MYRIP: variants seen among roughly 807,000 people sequenced by gnomAD.
The protein encoded by MYRIP is rab effector MyRIP.
MYRIP carries 49 observed loss-of-function variants against 98.0 expected under a neutral mutation model. That is an observed-to-expected ratio of 0.50 (90% CI 0.40 to 0.63). MYRIP has a LOEUF of 0.63. Ranked by LOEUF, MYRIP falls within the 30% of genes least tolerant of loss-of-function variation. MYRIP has a pLI of 0.00. For synonymous variants in MYRIP, 404 were observed against 409.5 expected (o/e 0.99, Z 0.16); for missense variants, 1,004 against 1,058.2 (o/e 0.95, Z 0.71).
chr3:39,887,680 C>T (rs1258791506), intron 1 of MYRIP, among the ~76,000 whole-genome samples: 1 of 151,994 alleles, frequency 6.6e-6, no homozygotes, highest in Non-Finnish European at 1.5e-5. Context: ...CTGGCCAGGG[C>T]AATCAGGCAG....
chr3:40,252,293 G>A (rs527709265), intron 16 of MYRIP, among the ~76,000 whole-genome samples: 70 of 152,150 alleles, frequency 4.6e-4, no homozygotes, highest in Non-Finnish European at 8.8e-4. Context: ...GAAATAAGTC[G>A]TAACATGGTA....
At chr3:40,085,842 C>A (rs1439089748) in intron 3 of MYRIP, among the ~76,000 whole-genome samples, 1 of 152,028 alleles carries the variant, frequency 6.6e-6, no homozygotes, top group Non-Finnish European at 1.5e-5. Context: ...TATTTGGTAA[C>A]CGAAACAAAA....
intron 2 of MYRIP, among the ~76,000 whole-genome samples, chr3:39,950,289 A>G (rs1242829867): frequency 1.3e-5 from 2 of 152,150 alleles, no homozygotes; most frequent in Non-Finnish European, 2.9e-5. Flanking sequence ...CCATGTAACC[A>G]TATTTGTGGG....
intron 2 of MYRIP, among the ~76,000 whole-genome samples, chr3:40,030,677 A>G (rs1023020400): frequency 6.6e-6 from 1 of 152,220 alleles, no homozygotes; most frequent in Non-Finnish European, 1.5e-5. Context: ...ATGCTACAAC[A>G]TGGATAAACG....
chr3:39,844,572 T>G (rs1020116362), intron 1 of MYRIP, among the ~76,000 whole-genome samples: 2 of 152,194 alleles, frequency 1.3e-5, no homozygotes, highest in Admixed American at 6.5e-5. Context: ...TTGGGCCTGA[T>G]TGCTTATATA....
At chr3:39,928,635 C>A (rs1212233786) in intron 2 of MYRIP, among the ~76,000 whole-genome samples, 1 of 133,402 alleles carries the variant, frequency 7.5e-6, no homozygotes, top group Non-Finnish European at 1.6e-5. Flanking sequence ...AACACACATT[C>A]CTGAAAAAAA....
intron 3 of MYRIP, among the ~76,000 whole-genome samples, chr3:40,130,792 G>A (rs1029983605): frequency 6.6e-6 from 1 of 151,958 alleles, no homozygotes; most frequent in African/African-American, 2.4e-5. Flanking sequence ...GGGATATGAT[G>A]GGTACTCCAA....
At chr3:40,236,255 G>A (rs1357418564) in intron 12 of MYRIP, among the ~76,000 whole-genome samples, 2 of 152,100 alleles carry the variant, frequency 1.3e-5, no homozygotes, top group African/African-American at 2.4e-5. Context: ...TACCATCTAG[G>A]TTTGCATAAG....
chr3:39,858,849 A>G (rs1196205687), intron 1 of MYRIP, among the ~76,000 whole-genome samples: 3 of 152,128 alleles, frequency 2.0e-5, no homozygotes, highest in Non-Finnish European at 4.4e-5. Context: ...ACAAAAATGG[A>G]AACACCATAA....
At chr3:40,173,193 C>G (rs141338459) in intron 8 of MYRIP, 27 of 152,292 alleles carry the variant, frequency 1.8e-4, no homozygotes, top group Middle Eastern at 3.4e-3. Context: ...ATATTGTTTC[C>G]TTAGCTCCAC....
intron 4 of MYRIP, among the ~76,000 whole-genome samples, chr3:40,154,845 G>A (rs1228675549): frequency 1.3e-5 from 2 of 151,686 alleles, no homozygotes; most frequent in Non-Finnish European, 2.9e-5. Context: ...ACATGAAAAA[G>A]GTAAAAGTTG....
At chr3:40,206,685 G>A (rs770013043) in intron 10 of MYRIP, among the ~76,000 whole-genome samples, 6 of 152,052 alleles carry the variant, frequency 3.9e-5, no homozygotes, top group African/African-American at 1.2e-4. Flanking sequence ...CCACCACACC[G>A]TCAACTCCAG....
chr3:39,960,928 C>CTCT (rs1945308576), intron 2 of MYRIP, among the ~76,000 whole-genome samples: 1 of 152,150 alleles, frequency 6.6e-6, no homozygotes, highest in South Asian at 2.1e-4. Flanking sequence ...AGACAGGAAC[C>CTCT]TCATGGTGAG....
At chr3:39,843,025 G>T (rs1298485523) in intron 1 of MYRIP, among the ~76,000 whole-genome samples, 1 of 152,186 alleles carries the variant, frequency 6.6e-6, no homozygotes, top group Non-Finnish European at 1.5e-5. Flanking sequence ...GCTGATGGAG[G>T]ATGAATTACC....
Position 40,004,214 on chromosome 3 carries a change from T to TC in MYRIP, c.111-39834dup, listed in dbSNP as rs201575279. Among the ~76,000 whole-genome samples the TC allele has an allele frequency of 8.0e-3, 1,225 of 152,302 alleles. 12 individuals carry two copies. Among genetic ancestry groups the TC allele is most frequent in the Middle Eastern group, 0.065 (19 of 294 alleles). On this transcript the variant is annotated intron_variant, in intron 2 of 16. Coordinates refer to ENST00000302541, the MANE Select transcript of MYRIP (RefSeq NM_015460.4). ...CTTTTACCTGAGGGGCTTACACTAG[T>TC]CCAAGGAACCAGAGAAATATTAAAG... is the stretch of plus-strand genomic sequence containing the variant.
Position 40,170,094 on chromosome 3 carries a change from G to A in MYRIP, c.873+1G>A. The A allele has an allele frequency of 1.2e-6, 2 of 1,614,010 alleles. No individual in the cohort carries two copies. Among genetic ancestry groups the A allele is most frequent in the Non-Finnish European group, 1.7e-6 (2 of 1,180,018 alleles). ...CTACCGTGCTCCCGCTGCCCTCTGG[G>A]TGAGTCCCCAAGCAGTGCTGGTCTA... is the stretch of plus-strand genomic sequence containing the variant. On this transcript the variant is annotated splice_donor_variant, in intron 8 of 16. Coordinates refer to ENST00000302541, the MANE Select transcript of MYRIP (RefSeq NM_015460.4). LOFTEE classifies it high-confidence loss of function.
chr3:40,147,625 T>A (rs1390453435), intron 3 of MYRIP, among the ~76,000 whole-genome samples: 1 of 152,230 alleles, frequency 6.6e-6, no homozygotes, highest in Admixed American at 6.5e-5. Flanking sequence ...TTTCTTCTTC[T>A]ACTCAGTTAG....
intron 1 of MYRIP, among the ~76,000 whole-genome samples, chr3:39,841,029 C>G (rs1203118173): frequency 2.6e-5 from 4 of 152,130 alleles, no homozygotes; most frequent in African/African-American, 9.7e-5. Flanking sequence ...TGGGGAAGTT[C>G]TCCTGGATAA....
At chr3:40,163,731 T>C (rs910346860) in intron 5 of MYRIP, among the ~76,000 whole-genome samples, 8 of 152,096 alleles carry the variant, frequency 5.3e-5, no homozygotes, top group African/African-American at 1.9e-4. Flanking sequence ...CCACTGCTCT[T>C]ATGGGTCTCC....
Sources: gnomAD v4.1 joint callset for allele counts (sites outside exome capture counted in the v4.1 genomes callset) on GRCh38, gnomAD v4.1.1 for gene constraint, MANE v1.5 for transcripts, NCBI Gene and HGNC (gene_info 2026-07-23, HGNC 2026-07-21) for gene names.